The following MYOF variants were observed in gnomAD, a reference collection of about 807,000 sequenced individuals.
MYOF encodes fer-1-like 3, myoferlin.
Under a neutral mutation model 284.2 loss-of-function variants are expected in MYOF, and 244 were observed. The ratio of observed to expected loss-of-function variants is 0.86; its 90% CI spans 0.77 to 0.95. MYOF has a LOEUF of 0.95. Among genes scored for constraint, MYOF ranks in the 40% least tolerant of loss-of-function variants. The pLI is 0.00. For missense variants in MYOF, 2,496 were observed against 2,560.6 expected, an observed-to-expected ratio of 0.97 and a Z score of 0.54; for synonymous variants, 904 against 919.7, an observed-to-expected ratio of 0.98 and a Z score of 0.31.
intron 1 of MYOF, among the ~76,000 whole-genome samples, chr10:93,466,701 G>T (rs191309592): frequency 6.6e-6 from 1 of 152,184 alleles, no homozygotes; most frequent in South Asian, 2.1e-4. Flanking sequence ...GAGGCTGGGC[G>T]CAGTGCTCAC....
chr10:93,381,045 C>G (rs1007615716), intron 20 of MYOF, among the ~76,000 whole-genome samples, 174 bp downstream of exon 20: 1 of 152,142 alleles, frequency 6.6e-6, no homozygotes. Flanking sequence ...TTGGGTCTGG[C>G]CAGTCTTTAA....
In MYOF at chr10:93,336,024, T is replaced by C. The variant is rs770952911; in HGVS notation, c.4460A>G (p.Asn1487Ser). ...TGTCAGGCCCTCAAATTCTGCTACA[T>C]TTTCTAGTTCACAATTATATATCTG... ...KLKIYNCELENVAEFEGLTDF... is the reference protein window; with the variant it reads ...KLKIYNCELESVAEFEGLTDF... The change falls in exon 41 of 54, where the codon AAT (asparagine) becomes AGT (serine). Residue 1487 changes from asparagine (N) to serine (S), a missense_variant. By Grantham distance (46) the Asn-to-Ser change is conservative (BLOSUM62 1). This residue lies in a region of MYOF where 2,436 missense variants were observed against 2,480.7 expected (regional missense o/e 0.98). Transcript: ENST00000359263. 1 of 1,614,040 alleles carries C rather than the reference T, an allele frequency of 6.2e-7. No homozygotes were observed. Among genetic ancestry groups the C allele is most frequent in the Non-Finnish European group, 8.5e-7 (1 of 1,179,974 alleles).
intron 39 of MYOF, among the ~76,000 whole-genome samples, chr10:93,339,397 G>A (rs1188154492): frequency 6.6e-6 from 1 of 151,934 alleles, no homozygotes; most frequent in Non-Finnish European, 1.5e-5. Context: ...GTGTGTGAAT[G>A]CGTGTGTGTT....
At chr10:93,414,042 T>C (rs955870593) in intron 5 of MYOF, among the ~76,000 whole-genome samples, 1 of 152,106 alleles carries the variant, frequency 6.6e-6, no homozygotes, top group Non-Finnish European at 1.5e-5. Flanking sequence ...CCCCGACAGT[T>C]CCAAACCTTA....
At chr10:93,467,457 T>G (rs2057037158) in intron 1 of MYOF, among the ~76,000 whole-genome samples, 1 of 151,706 alleles carries the variant, frequency 6.6e-6, no homozygotes, top group African/African-American at 2.4e-5. Context: ...TGAGAATGAT[T>G]AAAAAGTCAG....
chr10:93,396,306 T>C (rs771865955), intron 15 of MYOF, 82 bp from the exon 16 acceptor site: 2 of 1,054,850 alleles, frequency 1.9e-6, no homozygotes, highest in Non-Finnish European at 2.7e-6. Flanking sequence ...ATTTCAACAA[T>C]TAAAAAAAAG....
At chr10:93,436,714 T>C (rs1013684198) in intron 3 of MYOF, among the ~76,000 whole-genome samples, 4 of 152,274 alleles carry the variant, frequency 2.6e-5, no homozygotes, top group Admixed American at 2.6e-4. Flanking sequence ...GGATACAAAA[T>C]ACTGTGAAAA....
intron 23 of MYOF, 135 bp from the exon 24 acceptor site, chr10:93,373,220 A>G: frequency 9.9e-7 from 1 of 1,013,456 alleles, no homozygotes; most frequent in Non-Finnish European, 1.5e-6. Context: ...TCTGTCTCAA[A>G]TTCCTGAGCT....
intron 1 of MYOF, among the ~76,000 whole-genome samples, chr10:93,481,519 GT>G (rs1156461713): frequency 6.6e-6 from 1 of 152,154 alleles, no homozygotes; most frequent in Non-Finnish European, 1.5e-5. Context: ...GCTGTCCAGA[GT>G]TCTTTCCTCA....
chr10:93,331,581 C>T (rs1328668556), intron 43 of MYOF, among the ~76,000 whole-genome samples: 1 of 152,064 alleles, frequency 6.6e-6, no homozygotes, highest in East Asian at 1.9e-4. Context: ...CGTGCCTTTT[C>T]CTGTCTAGAC....
chr10:93,334,146 G>A (rs1260596347), intron 41 of MYOF, among the ~76,000 whole-genome samples: 1 of 152,208 alleles, frequency 6.6e-6, no homozygotes, highest in Non-Finnish European at 1.5e-5. Flanking sequence ...GAAACTGGGA[G>A]TCAAGAGGAG....
At chr10:93,307,617 C>G (rs1842175729) in intron 53 of MYOF, among the ~76,000 whole-genome samples, 1 of 148,544 alleles carries the variant, frequency 6.7e-6, no homozygotes, top group South Asian at 2.1e-4. Flanking sequence ...CTGGTTTAAA[C>G]CAATAGAATT....
intron 1 of MYOF, among the ~76,000 whole-genome samples, chr10:93,474,431 CCAAATGA>C (rs2057215690): frequency 6.6e-6 from 1 of 152,196 alleles, no homozygotes; most frequent in Non-Finnish European, 1.5e-5. Flanking sequence ...TAAAACCAAG[CCAAATGA>C]CACTTTCTCC....
chr10:93,417,888 C>T (rs901998376), intron 5 of MYOF, among the ~76,000 whole-genome samples: 1 of 152,168 alleles, frequency 6.6e-6, no homozygotes, highest in Admixed American at 6.5e-5. Flanking sequence ...CTCATCTCCT[C>T]CCAGGCTCAA....
chr10:93,328,153 C>T (rs796831), intron 45 of MYOF, among the ~76,000 whole-genome samples: 86,681 of 152,004 alleles, frequency 0.57, 26,063 homozygotes, highest in East Asian at 0.91. Flanking sequence ...GTTCAGCTCC[C>T]CCTGGATATC....
At chr10:93,407,879 CGA>C (rs992938264) in intron 7 of MYOF, among the ~76,000 whole-genome samples, 7 of 152,100 alleles carry the variant, frequency 4.6e-5, no homozygotes, top group African/African-American at 1.7e-4. Flanking sequence ...GGATTAGTCA[CGA>C]GAGTTGTCCC....
chr10:93,374,981 CAG>C (rs767870588), intron 22 of MYOF, 26 bp from the exon 23 acceptor site: 8 of 1,597,230 alleles, frequency 5.0e-6, no homozygotes, highest in East Asian at 2.2e-5. Flanking sequence ...AAAAAAGAAA[CAG>C]AGGATTTGAA....
chr10:93,307,318 T>G (rs1842153849), intron 53 of MYOF, among the ~76,000 whole-genome samples: 1 of 151,986 alleles, frequency 6.6e-6, no homozygotes, highest in African/African-American at 2.4e-5. Context: ...TTTTTTGAGA[T>G]GGAGTCTTGC....
At position 93,389,047 on chromosome 10, in the gene MYOF, C is replaced by T. The variant is rs1846543700; in HGVS notation, c.1564G>A (p.Glu522Lys). The change falls in exon 18 of 54, where the codon GAG becomes AAG. Residue 522 changes from glutamate to lysine, a missense_variant. Around this residue, in one of 3 missense-constraint regions of MYOF, gnomAD observed 2,436 missense variants for 2,480.7 expected, o/e 0.98. Coordinates refer to ENST00000359263, the MANE Select transcript of MYOF (RefSeq NM_013451.4). Reference protein sequence around the residue: ...EYTGFPDPYDELNTGKGEGVA... With the variant: ...EYTGFPDPYDKLNTGKGEGVA... ...AAACCAACCTTTCCAGTATTCAGCT[C>T]ATCATAGGGGTCTGGGAATCCCGTG... 4 of 1,613,616 alleles carry T rather than the reference C, an allele frequency of 2.5e-6. No individual in the cohort carries two copies. The Admixed American group carries it at 6.7e-5, about 27-fold the overall frequency.
Sources: gnomAD v4.1 joint callset for allele counts (sites outside exome capture counted in the v4.1 genomes callset) on GRCh38, gnomAD v4.1.1 for gene constraint, gnomAD v4.1.1 regional missense constraint, MANE v1.5 for transcripts, NCBI Gene and HGNC (gene_info 2026-07-23, HGNC 2026-07-21) for gene names.